Variants in RUNX2 observed in about 807,000 individuals in gnomAD.
The protein encoded by RUNX2 is runt-related transcription factor 2.
In RUNX2, 10 loss-of-function variants were observed where a neutral mutation model predicts 51.7. That is an observed-to-expected ratio of 0.19 (90% CI 0.12 to 0.33). RUNX2 has a LOEUF of 0.33. Ranked by LOEUF, RUNX2 falls within the 10% of genes least tolerant of loss-of-function variation. The probability of loss-of-function intolerance (pLI) is 1.00; values close to 1 mark genes in which losing one functional copy is unlikely to be tolerated. For missense variants in RUNX2, 562 were observed against 691.3 expected (o/e 0.81, Z 2.10); for synonymous variants, 276 against 273.6 (o/e 1.01, Z -0.09).
chr6:45,547,745 C>T lies in RUNX2; in HGVS notation c.*440C>T. 4.0e-6 allele frequency: 1 copy of T among 247,650 alleles called. No individual in the cohort carries two copies. The highest frequency in any genetic ancestry group is 5.1e-5 in the South Asian group (1 of 19,690). The allele number at this position is 247,650 out of a possible 1,614,324, so 15.3% of individuals were successfully genotyped here. A position where few individuals can be genotyped will look rare whatever the true frequency, so the allele number is the denominator to read the frequency against. On this transcript the variant is annotated 3_prime_UTR_variant, in exon 9 of 9. Transcript: ENST00000647337. The stretch of plus-strand genomic sequence containing the variant: ...GGTGGCAGCTGTGTATGGACCAGTG[C>T]CCTCCGCAGACAGCTCACAAAACCA...
chr6:45,416,110 T>A (rs545089819), intron 2 of RUNX2, among the ~76,000 whole-genome samples: 1 of 152,364 alleles, frequency 6.6e-6, no homozygotes, highest in South Asian at 2.1e-4. Flanking sequence ...TTTCTGAGTA[T>A]GAAATCCAGA....
At chr6:45,393,967 C>T (rs1213102280) in intron 2 of RUNX2, among the ~76,000 whole-genome samples, 5 of 149,468 alleles carry the variant, frequency 3.3e-5, no homozygotes, top group Admixed American at 1.3e-4. Flanking sequence ...TCTGCCCAGG[C>T]GTGATCTCGG....
intron 2 of RUNX2, among the ~76,000 whole-genome samples, chr6:45,351,593 C>G (rs1792066055): frequency 6.6e-6 from 1 of 152,004 alleles, no homozygotes; most frequent in South Asian, 2.1e-4. Flanking sequence ...ATTTTCTGTT[C>G]CTCCAGCTCT....
intron 2 of RUNX2, among the ~76,000 whole-genome samples, chr6:45,404,932 G>A (rs1423098554): frequency 6.6e-6 from 1 of 152,214 alleles, no homozygotes; most frequent in Non-Finnish European, 1.5e-5. Context: ...TTGCCTTTTG[G>A]CAGATCATTG....
chr6:45,356,217 AG>A (rs1352527295), intron 2 of RUNX2, among the ~76,000 whole-genome samples: 4 of 152,150 alleles, frequency 2.6e-5, no homozygotes, highest in African/African-American at 9.7e-5. Flanking sequence ...TTCACAGCTA[AG>A]GTTTTTTTTA....
At chr6:45,535,562 C>A (rs1387110204) in intron 7 of RUNX2, among the ~76,000 whole-genome samples, 1 of 151,418 alleles carries the variant, frequency 6.6e-6, no homozygotes, top group Non-Finnish European at 1.5e-5. Context: ...CGAGATTGCG[C>A]CACTGCACTC....
chr6:45,330,507 A>T (rs1787253715), intron 2 of RUNX2, among the ~76,000 whole-genome samples: 1 of 152,000 alleles, frequency 6.6e-6, no homozygotes, highest in Non-Finnish European at 1.5e-5. Flanking sequence ...AACACATTTT[A>T]AAAACCAGAT....
intron 2 of RUNX2, among the ~76,000 whole-genome samples, chr6:45,354,869 A>C (rs1278899939): frequency 6.6e-6 from 1 of 152,152 alleles, no homozygotes; most frequent in Non-Finnish European, 1.5e-5. Flanking sequence ...ATTAAGTAAA[A>C]ACCCAAGTTA....
At chr6:45,358,538 T>C (rs1342106635) in intron 2 of RUNX2, among the ~76,000 whole-genome samples, 2 of 152,204 alleles carry the variant, frequency 1.3e-5, no homozygotes, top group Non-Finnish European at 2.9e-5. Context: ...TTAATCAGTA[T>C]GTTGATGATG....
intron 5 of RUNX2, among the ~76,000 whole-genome samples, chr6:45,454,854 C>T (rs1030764908): frequency 3.9e-5 from 6 of 152,182 alleles, no homozygotes; most frequent in African/African-American, 1.4e-4. Flanking sequence ...TGGCTCATGC[C>T]TGTAATCCCA....
intron 5 of RUNX2, among the ~76,000 whole-genome samples, chr6:45,455,886 A>G (rs1344518018): frequency 1.3e-5 from 2 of 152,246 alleles, no homozygotes; most frequent in African/African-American, 4.8e-5. Context: ...TTGTAGATAA[A>G]TGCCCTGCCA....
At chr6:45,375,163 C>T (rs533406876) in intron 2 of RUNX2, among the ~76,000 whole-genome samples, 2 of 152,288 alleles carry the variant, frequency 1.3e-5, no homozygotes, top group South Asian at 4.1e-4. Context: ...GCTGAGATCG[C>T]ACCATTGTAC....
chr6:45,506,069 T>C (rs1254585119), intron 6 of RUNX2, among the ~76,000 whole-genome samples: 1 of 152,176 alleles, frequency 6.6e-6, no homozygotes, highest in African/African-American at 2.4e-5. Context: ...AAACCATGAT[T>C]GCTTCTGAAA....
intron 5 of RUNX2, among the ~76,000 whole-genome samples, chr6:45,489,073 TTTGTTCTTCAATGTA>T (rs1254876850): frequency 6.6e-5 from 10 of 152,222 alleles, no homozygotes; most frequent in Non-Finnish European, 1.2e-4. Flanking sequence ...TTCAATGTAC[TTTGTTCTTCAATGTA>T]CTTCATACAT....
At chr6:45,352,067 T>A (rs115128021) in intron 2 of RUNX2, among the ~76,000 whole-genome samples, 281 of 152,268 alleles carry the variant, frequency 1.8e-3, no homozygotes, top group African/African-American at 6.5e-3. Context: ...TTCCTTAAAA[T>A]GATATGAATG....
chr6:45,391,425 C>G lies in RUNX2; in HGVS notation c.59-31168C>G, dbSNP rs146736213. Among the ~76,000 whole-genome samples, 489 of 152,300 alleles carry G rather than the reference C, an allele frequency of 3.2e-3. 1 individual carries two copies. Among genetic ancestry groups the G allele is most frequent in the Non-Finnish European group, 5.2e-3 (357 of 68,016 alleles). On this transcript the variant is annotated intron_variant, in intron 2 of 8. Coordinates refer to ENST00000647337, the MANE Select transcript of RUNX2 (RefSeq NM_001024630.4). ...TAAGCTTTCTGGGCAGATATTGGTACTATGATTACTTGTACAGCCTGAAGA... is the reference window on the plus strand; with the variant it reads ...TAAGCTTTCTGGGCAGATATTGGTAGTATGATTACTTGTACAGCCTGAAGA...
intron 5 of RUNX2, among the ~76,000 whole-genome samples, chr6:45,438,780 CA>C (rs532717480): frequency 1.6e-4 from 24 of 152,186 alleles, no homozygotes; most frequent in South Asian, 1.2e-3. Context: ...CCACCCCCAC[CA>C]AAAAACTGCT....
In RUNX2 at chr6:45,454,686, G is replaced by A. The variant is rs533592346; in HGVS notation, c.685+16635G>A. ...TGTATGTAGGTATTTATCTATGTAT[G>A]TGTGTGTGTATGTACTTTTGTTACA... On this transcript the variant is annotated intron_variant, in intron 5 of 8. Coordinates refer to ENST00000647337, the MANE Select transcript of RUNX2 (RefSeq NM_001024630.4). Among the ~76,000 whole-genome samples the A allele has an allele frequency of 9.2e-5, 14 of 152,258 alleles. No individual in the cohort carries two copies. The South Asian group carries it at 2.7e-3, about 29-fold the overall frequency.
At chr6:45,537,990 T>G (rs1329901429) in intron 7 of RUNX2, among the ~76,000 whole-genome samples, 1 of 152,230 alleles carries the variant, frequency 6.6e-6, no homozygotes, top group African/African-American at 2.4e-5. Flanking sequence ...ATGTATGTTT[T>G]TGTTTTAATA....
Sources: gnomAD v4.1 joint callset for allele counts (sites outside exome capture counted in the v4.1 genomes callset) on GRCh38, gnomAD v4.1.1 for gene constraint, MANE v1.5 for transcripts, NCBI Gene and HGNC (gene_info 2026-07-23, HGNC 2026-07-21) for gene names.